CGNL1: variants seen among roughly 807,000 people sequenced by gnomAD.
CGNL1 encodes the protein cingulin-like protein 1.
Under a neutral mutation model 141.2 loss-of-function variants are expected in CGNL1, and 132 were observed. The observed-to-expected ratio is 0.93, with a 90% confidence interval of 0.81 to 1.08. The LOEUF is 1.08. Ranked by LOEUF, CGNL1 falls within the 50% of genes least tolerant of loss-of-function variation. The pLI, the probability that CGNL1 is intolerant of heterozygous loss-of-function variation, is 0.00. For missense variants in CGNL1, 1,870 were observed against 1,588.6 expected, an observed-to-expected ratio of 1.18 and a Z score of -3.01; for synonymous variants, 690 against 622.1, an observed-to-expected ratio of 1.11 and a Z score of -1.63.
chr15:57,516,274 G>C (rs1316031304), intron 8 of CGNL1, among the ~76,000 whole-genome samples: 1 of 152,046 alleles, frequency 6.6e-6, no homozygotes, highest in African/African-American at 2.4e-5. Context: ...GATTCAGCCT[G>C]CCCGAATGCA....
At position 57,516,815 on chromosome 15, in the gene CGNL1, A is replaced by G. The variant is rs943317923; in HGVS notation, c.2439A>G (p.Ser813=). The G allele has an allele frequency of 5.6e-6, 9 of 1,614,204 alleles. No individual in the cohort carries two copies. Among genetic ancestry groups the G allele is most frequent in the Non-Finnish European group, 7.6e-6 (9 of 1,180,026 alleles). The change falls in exon 9 of 19, where the codon TCA becomes TCG. Residue 813 remains serine (S), a synonymous_variant. Transcript: ENST00000281282. The stretch of plus-strand genomic sequence containing the variant: ...TCTTGGCGAGCAGGAGCAACACTTC[A>G]GAGCAAGACCAGGCGGGGACTGAAA... ...VEVLASRSNT[S]EQDQAGTEMR... is the part of the protein sequence containing the mutation.
At chr15:57,458,893 A>G (rs541674322) in intron 7 of CGNL1, among the ~76,000 whole-genome samples, 3 of 152,328 alleles carry the variant, frequency 2.0e-5, no homozygotes, top group East Asian at 3.9e-4. Context: ...GAGCTTGTCA[A>G]TGCCTGCTAG....
chr15:57,469,802 A>G (rs1595737632), intron 8 of CGNL1, among the ~76,000 whole-genome samples: 1 of 152,152 alleles, frequency 6.6e-6, no homozygotes, highest in East Asian at 1.9e-4. Context: ...AAATGAATAT[A>G]TGTTTTGGTA....
At chr15:57,457,461 T>C (rs945264045) in intron 7 of CGNL1, among the ~76,000 whole-genome samples, 4 of 152,192 alleles carry the variant, frequency 2.6e-5, no homozygotes, top group Non-Finnish European at 4.4e-5. Context: ...TGGACCTCCT[T>C]AAAGGGCCTT....
rs140258122 is a variant in CGNL1 at position 57,468,843 on chromosome 15, A to G, written c.2403+6951A>G. On this transcript the variant is annotated intron_variant, in intron 8 of 18. Transcript: ENST00000281282. Reference sequence around the variant, plus strand: ...CCCCATACTGTTCTCATGGTAGTGAATAAGTCCCACGAAATCTGATGGTTT... The same window carrying G: ...CCCCATACTGTTCTCATGGTAGTGAGTAAGTCCCACGAAATCTGATGGTTT... Among the ~76,000 whole-genome samples the G allele has an allele frequency of 7.9e-3, 1,196 of 152,282 alleles. 12 individuals carry two copies. The highest frequency in any genetic ancestry group is 0.028 in the African/African-American group (1,146 of 41,552).
chr15:57,483,311 T>C (rs1265955060), intron 8 of CGNL1, among the ~76,000 whole-genome samples: 4 of 152,222 alleles, frequency 2.6e-5, no homozygotes, highest in Admixed American at 6.5e-5. Context: ...GGGTTTAATG[T>C]TTTTGAGTGA....
chr15:57,431,043 T>C (rs1203445494), intron 1 of CGNL1, among the ~76,000 whole-genome samples: 15 of 152,222 alleles, frequency 9.9e-5, no homozygotes, highest in African/African-American at 3.4e-4. Context: ...TTCAGACTCC[T>C]GGTTGATTCT....
intron 2 of CGNL1, 24 bp from the exon 3 acceptor site, chr15:57,440,353 C>G: frequency 6.4e-7 from 1 of 1,562,864 alleles, no homozygotes; most frequent in South Asian, 1.2e-5. Flanking sequence ...TCCTCATGGT[C>G]TAACAACAGG....
intron 10 of CGNL1, among the ~76,000 whole-genome samples, chr15:57,519,357 G>T (rs1161711044): frequency 6.6e-6 from 1 of 152,152 alleles, no homozygotes; most frequent in Admixed American, 6.5e-5. Context: ...GGCATTAAAA[G>T]TGTTAAGAGC....
intron 1 of CGNL1, among the ~76,000 whole-genome samples, chr15:57,423,497 C>T (rs1027930229): frequency 6.6e-6 from 1 of 152,130 alleles, no homozygotes; most frequent in Non-Finnish European, 1.5e-5. Flanking sequence ...TATTTTTCCT[C>T]CATTCTTTTG....
chr15:57,442,779 C>T (rs12593290), intron 4 of CGNL1, among the ~76,000 whole-genome samples: 42,176 of 151,740 alleles, frequency 0.28, 6,360 homozygotes, highest in South Asian at 0.36. Flanking sequence ...CCACCACACC[C>T]GGCTAATTTT....
At chr15:57,495,390 G>A (rs1001068525) in intron 8 of CGNL1, among the ~76,000 whole-genome samples, 1 of 152,302 alleles carries the variant, frequency 6.6e-6, no homozygotes, top group Admixed American at 6.5e-5. Context: ...GCATTGAGCT[G>A]TCTTGTGGGA....
chr15:57,473,106 G>A (rs1353790514), intron 8 of CGNL1, among the ~76,000 whole-genome samples: 1 of 152,162 alleles, frequency 6.6e-6, no homozygotes, highest in Non-Finnish European at 1.5e-5. Flanking sequence ...CAAGCCACAA[G>A]AATTGGGTGG....
intron 8 of CGNL1, among the ~76,000 whole-genome samples, chr15:57,485,183 A>C (rs1164292135): frequency 6.6e-6 from 1 of 152,056 alleles, no homozygotes; most frequent in Admixed American, 6.5e-5. Context: ...CCCATGGATT[A>C]CTTAGAAGTG....
At chr15:57,505,644 G>A (rs561479915) in intron 8 of CGNL1, among the ~76,000 whole-genome samples, 28 of 152,270 alleles carry the variant, frequency 1.8e-4, no homozygotes, top group Non-Finnish European at 3.7e-4. Flanking sequence ...AACGCTTGTA[G>A]CAGTCTTGGC....
intron 8 of CGNL1, among the ~76,000 whole-genome samples, chr15:57,486,630 C>T (rs1171956813): frequency 1.3e-5 from 2 of 152,132 alleles, no homozygotes; most frequent in Admixed American, 6.5e-5. Flanking sequence ...TCAGCTTTTA[C>T]GTTAGGTGAC....
At chr15:57,506,417 A>G (rs1328565062) in intron 8 of CGNL1, among the ~76,000 whole-genome samples, 4 of 152,140 alleles carry the variant, frequency 2.6e-5, no homozygotes, top group African/African-American at 9.7e-5. Context: ...GGCTCCTTTT[A>G]TCTCCTGGAA....
intron 1 of CGNL1, among the ~76,000 whole-genome samples, chr15:57,391,855 T>C: frequency 6.6e-6 from 1 of 152,182 alleles, no homozygotes; most frequent in South Asian, 2.1e-4. Context: ...TCCATATCCT[T>C]ATTCAGAGTG....
At chr15:57,398,949 T>C in intron 1 of CGNL1, among the ~76,000 whole-genome samples, 1 of 152,248 alleles carries the variant, frequency 6.6e-6, no homozygotes, top group East Asian at 1.9e-4. Context: ...ATTTTATTTT[T>C]GCTCTCACAA....
Sources: gnomAD v4.1 joint callset for allele counts (sites outside exome capture counted in the v4.1 genomes callset) on GRCh38, gnomAD v4.1.1 for gene constraint, MANE v1.5 for transcripts, NCBI Gene and HGNC (gene_info 2026-07-23, HGNC 2026-07-21) for gene names.